APBB2: variants seen among roughly 807,000 people sequenced by gnomAD.
APBB2 encodes amyloid beta precursor protein binding family B member 2, also known as Fe65-like 1.
APBB2 carries 38 observed loss-of-function variants against 82.5 expected under a neutral mutation model. The observed-to-expected ratio is 0.46, with a 90% confidence interval of 0.36 to 0.60. The LOEUF is 0.60. Among genes scored for constraint, APBB2 ranks in the 20% least tolerant of loss-of-function variants. The pLI is 0.00. For missense variants in APBB2, 772 were observed against 972.3 expected, an observed-to-expected ratio of 0.79 and a Z score of 2.74; for synonymous variants, 341 against 368.2, an observed-to-expected ratio of 0.93 and a Z score of 0.85.
chr4:41,018,612 T>G (rs971716836), intron 5 of APBB2, among the ~76,000 whole-genome samples: 1 of 152,184 alleles, frequency 6.6e-6, no homozygotes, highest in Non-Finnish European at 1.5e-5. Flanking sequence ...TATCTGTGTA[T>G]ATGTTGAGCC....
chr4:40,963,150 G>A (rs138291381), intron 6 of APBB2, among the ~76,000 whole-genome samples: 30 of 152,216 alleles, frequency 2.0e-4, no homozygotes, highest in Non-Finnish European at 2.6e-4. Flanking sequence ...GGTAGTTAGC[G>A]TCCATTTGTT....
intron 6 of APBB2, among the ~76,000 whole-genome samples, chr4:40,994,018 G>T (rs570687566): frequency 2.0e-5 from 3 of 151,956 alleles, no homozygotes; most frequent in Non-Finnish European, 4.4e-5. Context: ...GGCTGGGCGC[G>T]GTAGCTCACA....
chr4:41,184,796 CA>C (rs1772419654), intron 1 of APBB2, among the ~76,000 whole-genome samples: 1 of 152,192 alleles, frequency 6.6e-6, no homozygotes, highest in Non-Finnish European at 1.5e-5. Context: ...CAGGGTAGTC[CA>C]CACCTCTGTG....
intron 10 of APBB2, among the ~76,000 whole-genome samples, chr4:40,933,717 C>T (rs767915271): frequency 9.2e-5 from 14 of 152,266 alleles, no homozygotes; most frequent in Non-Finnish European, 1.5e-4. Flanking sequence ...AGGTGAGAAC[C>T]GCACAGGGAC....
At chr4:41,054,884 C>T (rs142828002) in intron 4 of APBB2, among the ~76,000 whole-genome samples, 64 of 152,206 alleles carry the variant, frequency 4.2e-4, no homozygotes, top group African/African-American at 1.4e-3. Flanking sequence ...ATGCTGCTCT[C>T]GCCACCTCCC....
chr4:41,041,175 C>T (rs56004127), intron 4 of APBB2, among the ~76,000 whole-genome samples: 39,620 of 152,098 alleles, frequency 0.26, 6,416 homozygotes, highest in East Asian at 0.53. Flanking sequence ...CCACCATGCC[C>T]GGCTACATGT....
At chr4:40,954,008 C>T (rs764068376) in intron 6 of APBB2, among the ~76,000 whole-genome samples, 1 of 152,166 alleles carries the variant, frequency 6.6e-6, no homozygotes, top group Non-Finnish European at 1.5e-5. Context: ...AGAACAAGCC[C>T]ATCTGTGAGC....
chr4:40,825,957 T>G lies in APBB2; in HGVS notation c.1746A>C (p.Thr582=). Residue 582 remains threonine, a synonymous_variant, in exon 15 of 18, where the codon ACA becomes ACC. Transcript: ENST00000508593. The part of the protein sequence containing the change: ...LDVPLQVDFP[T]PKTELVQKFH... ...ACTTCTGGACCAGCTCAGTCTTTGG[T>G]GTTGGAAAATCTACTACAGGGAACA... 1 of 1,614,082 alleles carries G rather than the reference T, an allele frequency of 6.2e-7. No homozygotes were observed.
intron 3 of APBB2, among the ~76,000 whole-genome samples, chr4:41,097,552 A>G (rs760028532): frequency 2.0e-5 from 3 of 152,240 alleles, no homozygotes; most frequent in Non-Finnish European, 4.4e-5. Context: ...ATTATTTATT[A>G]TTAAGTGGAA....
intron 12 of APBB2, among the ~76,000 whole-genome samples, chr4:40,858,219 T>C (rs1426522409): frequency 6.6e-6 from 1 of 152,098 alleles, no homozygotes; most frequent in Admixed American, 6.5e-5. Flanking sequence ...CATATAAATA[T>C]ATGAGTTGGA....
intron 1 of APBB2, among the ~76,000 whole-genome samples, chr4:41,147,024 G>T (rs559799451): frequency 6.6e-6 from 1 of 152,108 alleles, no homozygotes; most frequent in African/African-American, 2.4e-5. Flanking sequence ...ATATATTCCC[G>T]TGACGGATCC....
chr4:40,994,161 C>T (rs1802955308), intron 6 of APBB2, among the ~76,000 whole-genome samples: 1 of 151,996 alleles, frequency 6.6e-6, no homozygotes, highest in Admixed American at 6.6e-5. Context: ...GTAGCGGGCG[C>T]CTGTAGTCCC....
intron 6 of APBB2, among the ~76,000 whole-genome samples, chr4:40,970,802 C>T (rs1394544544): frequency 6.6e-6 from 1 of 152,142 alleles, no homozygotes; most frequent in Middle Eastern, 3.2e-3. Flanking sequence ...AGTTTTAGCA[C>T]TGCAAGTCCC....
rs1560589980 is a variant in APBB2, at chr4:40,816,223, A to T, written c.2149T>A (p.Ser717Thr). The change falls in exon 18 of 18, where the codon TCT becomes ACT. Residue 717 changes from serine to threonine, a missense_variant. Transcript: ENST00000508593. ...YQKCLVARPP[S>T]QKVRPPPPPA... ...GGTGGAGGTGGTCGAACTTTCTGAGAAGGCGGCCTGGCTACCAAGCACTTC... is the reference window on the plus strand; with the variant it reads ...GGTGGAGGTGGTCGAACTTTCTGAGTAGGCGGCCTGGCTACCAAGCACTTC... The T allele has an allele frequency of 6.2e-7, 1 of 1,614,190 alleles. No homozygotes were observed. The highest frequency in any genetic ancestry group is 1.7e-5 in the Admixed American group (1 of 60,022).
chr4:40,827,224 G>C lies in APBB2; in HGVS notation c.1645-5C>G. 6.2e-7 allele frequency: 1 copy of C among 1,613,986 alleles called. No individual in the cohort carries two copies. The highest frequency in any genetic ancestry group is 8.5e-7 in the Non-Finnish European group (1 of 1,179,896). ...ATTCTTCCGTTCAGCCATAATCTAA[G>C]GGGGAAAAAGTGCAGCTTTGGAGCG... On this transcript the variant is annotated splice_region_variant and splice_polypyrimidine_tract_variant and intron_variant, in intron 13 of 17. Transcript: ENST00000508593.
At chr4:40,950,914 GAAC>G (rs1789971876) in intron 6 of APBB2, among the ~76,000 whole-genome samples, 1 of 151,744 alleles carries the variant, frequency 6.6e-6, no homozygotes, top group Non-Finnish European at 1.5e-5. Flanking sequence ...CAGAATAAAT[GAAC>G]AAAAATGAGC....
intron 6 of APBB2, among the ~76,000 whole-genome samples, chr4:40,952,075 A>G (rs1342202653): frequency 2.0e-5 from 3 of 151,748 alleles, no homozygotes; most frequent in Admixed American, 2.0e-4. Flanking sequence ...AATCCCAGCT[A>G]CTAAGGAGGC....
intron 10 of APBB2, among the ~76,000 whole-genome samples, chr4:40,901,439 G>A (rs1578292994): frequency 6.6e-6 from 1 of 151,974 alleles, no homozygotes; most frequent in South Asian, 2.1e-4. Context: ...GCAGAGCCTG[G>A]TGGGGGTGGG....
chr4:41,078,526 A>G (rs1736434115), intron 3 of APBB2, among the ~76,000 whole-genome samples: 1 of 152,212 alleles, frequency 6.6e-6, no homozygotes. Flanking sequence ...AGCTAATCCA[A>G]TTGTTAAAAT....
Sources: gnomAD v4.1 joint callset for allele counts (sites outside exome capture counted in the v4.1 genomes callset) on GRCh38, gnomAD v4.1.1 for gene constraint, MANE v1.5 for transcripts, NCBI Gene and HGNC (gene_info 2026-07-23, HGNC 2026-07-21) for gene names.